GLI3: variants seen among roughly 807,000 people sequenced by gnomAD.
GLI3 encodes the protein transcription activator GLI3.
In GLI3, 20 loss-of-function variants were observed where a neutral mutation model predicts 100.8. That is an observed-to-expected ratio of 0.20 (90% confidence interval 0.14 to 0.29). The LOEUF (loss-of-function observed/expected upper bound fraction) is 0.29, where lower values mean the gene tolerates loss of function less well. GLI3 is among the 10% of genes least tolerant of loss of function. GLI3 has a pLI of 1.00. For synonymous variants in GLI3, 938 were observed against 860.5 expected (o/e 1.09, Z -1.58); for missense variants, 2,040 against 2,128.5 (o/e 0.96, Z 0.82).
Position 41,972,116 on chromosome 7 carries a change from T to C in GLI3, c.2103+221A>G, listed in dbSNP as rs554993787. On this transcript the variant is annotated intron_variant, in intron 13 of 14. Transcript: ENST00000395925. This position sits in a 1 kb window ranked among gnomAD's most constrained non-coding sequence, Gnocchi z 4.4. The stretch of plus-strand genomic sequence containing the variant: ...TTCTTCCTTCCATGGCACAGTGGTA[T>C]GGTTCTGGGAGGGATTTTAAAAATC... Among the ~76,000 whole-genome samples, 88 of 152,232 alleles carry C rather than the reference T, an allele frequency of 5.8e-4. No individual in the cohort carries two copies. The highest frequency in any genetic ancestry group is 1.8e-4 in the Non-Finnish European group (12 of 68,030).
chr7:41,995,747 T>C (rs912120601), intron 10 of GLI3, among the ~76,000 whole-genome samples: 2 of 150,694 alleles, frequency 1.3e-5, no homozygotes, highest in African/African-American at 4.9e-5. Context: ...ATAAATGAGA[T>C]GAAGAAAAGA....
chr7:42,080,507 T>C (rs1172328743), intron 3 of GLI3, among the ~76,000 whole-genome samples: 6 of 152,172 alleles, frequency 3.9e-5, no homozygotes, highest in African/African-American at 1.2e-4. Flanking sequence ...TAAAATAACT[T>C]CTCCTGGATT....
In GLI3 at chr7:42,234,115, T is replaced by C. The variant is rs181297451; in HGVS notation, c.-43+2856A>G. Among the ~76,000 whole-genome samples, 327 of 152,344 alleles carry C rather than the reference T, an allele frequency of 2.1e-3. 2 individuals are homozygous for C. The highest frequency in any genetic ancestry group is 0.01 in the Middle Eastern group (3 of 294). ...GATAATCTACTATAGTCTAAAAGCA[T>C]TAACATTCCATTGCTAAGGTTTTCT... On this transcript the variant is annotated intron_variant, in intron 1 of 14. Coordinates refer to ENST00000395925, the MANE Select transcript of GLI3 (RefSeq NM_000168.6).
At chr7:41,996,109 G>A (rs994523514) in intron 10 of GLI3, among the ~76,000 whole-genome samples, 5 of 152,190 alleles carry the variant, frequency 3.3e-5, no homozygotes, top group African/African-American at 7.2e-5. Flanking sequence ...TGGATGGAGA[G>A]AAAACTGCTG....
At chr7:42,241,059 C>T (rs1307168810), upstream of GLI3, among the ~76,000 whole-genome samples, 1 of 152,164 alleles carries the variant, frequency 6.6e-6, no homozygotes, top group South Asian at 2.1e-4. Context: ...CTCCAATTGA[C>T]TTAAGTTAAA....
intron 7 of GLI3, among the ~76,000 whole-genome samples, chr7:42,027,420 C>T (rs916085284): frequency 2.6e-5 from 4 of 151,994 alleles, no homozygotes; most frequent in African/African-American, 7.3e-5. Context: ...CTGTGTAATA[C>T]CCAGAAAGAA....
chr7:42,242,979 C>T (rs1295361125), intron 1 of GLI3, among the ~76,000 whole-genome samples: 1 of 152,142 alleles, frequency 6.6e-6, no homozygotes, highest in Non-Finnish European at 1.5e-5. Flanking sequence ...CCACAGTACC[C>T]CTGGGAAAAG....
upstream of GLI3, among the ~76,000 whole-genome samples, chr7:42,238,756 C>A (rs541005629): frequency 1.3e-4 from 20 of 152,264 alleles, no homozygotes; most frequent in Admixed American, 7.2e-4. Flanking sequence ...AAAAGGAGTT[C>A]TCGGGGGGAA....
At chr7:42,191,523 A>T (rs1364302479) in intron 2 of GLI3, among the ~76,000 whole-genome samples, 1 of 152,038 alleles carries the variant, frequency 6.6e-6, no homozygotes, top group Non-Finnish European at 1.5e-5. Context: ...ATGTTGGTGC[A>T]TGCCTGTAAT....
At chr7:42,148,161 A>ACACT (rs2128786685) in intron 3 of GLI3, 65 bp downstream of exon 3, 1 of 1,521,130 alleles carries the variant, frequency 6.6e-7, no homozygotes, top group East Asian at 2.3e-5. Flanking sequence ...ACACACACAC[A>ACACT]CACACACACA....
At chr7:42,198,464 G>T (rs1787974238) in intron 2 of GLI3, among the ~76,000 whole-genome samples, 2 of 152,100 alleles carry the variant, frequency 1.3e-5, no homozygotes, top group Admixed American at 1.3e-4. Flanking sequence ...GCCGTCCTGA[G>T]ATCTCCGTTG....
At chr7:42,246,826 T>TTTTTTTG in intron 1 of GLI3, among the ~76,000 whole-genome samples, 1 of 93,700 alleles carries the variant, frequency 1.1e-5, no homozygotes, top group Non-Finnish European at 2.4e-5. Flanking sequence ...TTTTTTTTTT[T>TTTTTTTG]TTTTTTTTGA....
chr7:42,091,437 C>T (rs1785216107), intron 3 of GLI3, among the ~76,000 whole-genome samples: 1 of 152,216 alleles, frequency 6.6e-6, no homozygotes, highest in Non-Finnish European at 1.5e-5. Context: ...GCCTAGCAGG[C>T]AGCAGGCCCC....
chr7:42,086,966 A>G (rs888515219), intron 3 of GLI3, among the ~76,000 whole-genome samples: 1 of 152,002 alleles, frequency 6.6e-6, no homozygotes, highest in Non-Finnish European at 1.5e-5. Context: ...CAGTATGGGG[A>G]TGAGTCCCTG....
intron 3 of GLI3, among the ~76,000 whole-genome samples, chr7:42,101,479 A>C (rs1785459929): frequency 6.6e-6 from 1 of 151,524 alleles, no homozygotes; most frequent in Non-Finnish European, 1.5e-5. Context: ...GGTGGCATAC[A>C]CCTCTGGTTC....
intron 3 of GLI3, among the ~76,000 whole-genome samples, chr7:42,097,859 T>C (rs1489455067): frequency 6.6e-6 from 1 of 152,112 alleles, no homozygotes; most frequent in African/African-American, 2.4e-5. Context: ...TCAGGGTATA[T>C]GTTCTATACC....
intron 3 of GLI3, among the ~76,000 whole-genome samples, chr7:42,098,521 A>G: frequency 6.6e-6 from 1 of 152,192 alleles, no homozygotes; most frequent in East Asian, 1.9e-4. Context: ...CCTTGTACAC[A>G]TGACTCCATA....
intron 4 of GLI3, among the ~76,000 whole-genome samples, chr7:42,060,544 G>A (rs999928904): frequency 6.6e-6 from 1 of 152,092 alleles, no homozygotes; most frequent in African/African-American, 2.4e-5. Flanking sequence ...TAGAGATAGA[G>A]AAAACAAAAA....
intron 1 of GLI3, among the ~76,000 whole-genome samples, chr7:42,247,945 C>T (rs2128709967): frequency 6.6e-6 from 1 of 152,318 alleles, no homozygotes; most frequent in Admixed American, 6.5e-5. Context: ...GCTTTCCTAT[C>T]TGATCCATTA....
Sources: gnomAD v4.1 joint callset for allele counts (sites outside exome capture counted in the v4.1 genomes callset) on GRCh38, gnomAD v4.1.1 for gene constraint, Gnocchi (gnomAD v3.1) non-coding constraint, MANE v1.5 for transcripts, NCBI Gene and HGNC (gene_info 2026-07-23, HGNC 2026-07-21) for gene names.